ZNF804B: variants seen among roughly 807,000 people sequenced by gnomAD.
ZNF804B encodes the protein zinc finger 804B.
ZNF804B carries 80 observed loss-of-function variants against 101.4 expected under a neutral mutation model. The ratio of observed to expected loss-of-function variants is 0.79; its 90% CI spans 0.66 to 0.95. The LOEUF is 0.95. ZNF804B is among the 40% of genes least tolerant of loss of function. The probability of loss-of-function intolerance (pLI) is 0.00; values close to 1 mark genes in which losing one functional copy is unlikely to be tolerated. For synonymous variants in ZNF804B, 622 were observed against 558.8 expected, an observed-to-expected ratio of 1.11 and a Z score of -1.59; for missense variants, 1,673 against 1,561.9, an observed-to-expected ratio of 1.07 and a Z score of -1.20.
chr7:89,205,197 T>C (rs1788697999), intron 1 of ZNF804B, among the ~76,000 whole-genome samples: 1 of 152,138 alleles, frequency 6.6e-6, no homozygotes, highest in Admixed American at 6.5e-5. Flanking sequence ...ACCAGGTCCC[T>C]CCAATGACAC....
chr7:88,762,173 C>T (rs1462095039), intron 1 of ZNF804B, among the ~76,000 whole-genome samples: 1 of 152,212 alleles, frequency 6.6e-6, no homozygotes, highest in Non-Finnish European at 1.5e-5. Flanking sequence ...ACATATGCAT[C>T]ATTTAAAAAT....
At chr7:88,763,798 T>G (rs982970754) in intron 1 of ZNF804B, among the ~76,000 whole-genome samples, 13 of 152,068 alleles carry the variant, frequency 8.5e-5, no homozygotes, top group African/African-American at 3.1e-4. Context: ...CATTGCTATC[T>G]GTGCTCAAGC....
intron 1 of ZNF804B, among the ~76,000 whole-genome samples, chr7:89,061,030 C>T (rs1031323582): frequency 6.6e-6 from 1 of 152,050 alleles, no homozygotes; most frequent in African/African-American, 2.4e-5. Flanking sequence ...ACACAATTAC[C>T]AACCGTAGTA....
Position 88,887,962 on chromosome 7 carries a change from T to C in ZNF804B, c.108+127878T>C, listed in dbSNP as rs565560238. 6.6e-5 allele frequency among the ~76,000 whole-genome samples: 10 copies of C among 152,338 alleles called. No homozygotes were observed. The South Asian group carries it at 2.1e-3, about 32-fold the overall frequency. ...GCTATTTCAAAAATATATGTATTACTGAAAATTTCAGTGCTAGTAATACAT... is the reference window on the plus strand; with the variant it reads ...GCTATTTCAAAAATATATGTATTACCGAAAATTTCAGTGCTAGTAATACAT... On this transcript the variant is annotated intron_variant, in intron 1 of 3. Transcript: ENST00000333190.
intron 2 of ZNF804B, among the ~76,000 whole-genome samples, chr7:89,313,846 A>G (rs1234819068): frequency 6.6e-6 from 1 of 152,030 alleles, no homozygotes; most frequent in Non-Finnish European, 1.5e-5. Context: ...ACTGTCCTTT[A>G]TTGCATTGTT....
chr7:88,811,573 C>T (rs1790788241), intron 1 of ZNF804B, among the ~76,000 whole-genome samples: 1 of 152,142 alleles, frequency 6.6e-6, no homozygotes, highest in South Asian at 2.1e-4. Flanking sequence ...GGAATCAACC[C>T]AGATGCCCAT....
chr7:88,948,758 A>G (rs1009830149), intron 1 of ZNF804B, among the ~76,000 whole-genome samples: 1 of 151,636 alleles, frequency 6.6e-6, no homozygotes, highest in Admixed American at 6.6e-5. Context: ...CCGAAGTGAC[A>G]TTATCTTTAC....
chr7:88,954,747 A>G (rs751063705), intron 1 of ZNF804B, among the ~76,000 whole-genome samples: 27 of 151,846 alleles, frequency 1.8e-4, no homozygotes, highest in Non-Finnish European at 2.9e-4. Context: ...CACTGATAAT[A>G]TTTCAGCTTT....
chr7:88,900,547 A>G (rs888684023), intron 1 of ZNF804B, among the ~76,000 whole-genome samples: 1 of 147,790 alleles, frequency 6.8e-6, no homozygotes. Context: ...TTCCAAAAAC[A>G]TTGGTCAAGC....
chr7:89,089,950 G>GAAT (rs1789857701), intron 1 of ZNF804B, among the ~76,000 whole-genome samples: 1 of 151,912 alleles, frequency 6.6e-6, no homozygotes, highest in South Asian at 2.1e-4. Flanking sequence ...ATTGTTTAAA[G>GAAT]AGAAAAAAAT....
At chr7:88,842,961 C>T (rs1477468279) in intron 1 of ZNF804B, among the ~76,000 whole-genome samples, 1 of 151,984 alleles carries the variant, frequency 6.6e-6, no homozygotes, top group Non-Finnish European at 1.5e-5. Context: ...GAAATATGTT[C>T]ATAATAATTT....
intron 1 of ZNF804B, among the ~76,000 whole-genome samples, chr7:88,885,556 A>G (rs1009480387): frequency 6.6e-6 from 1 of 151,032 alleles, no homozygotes; most frequent in Non-Finnish European, 1.5e-5. Context: ...AGTTTGGACC[A>G]TATTAAATAT....
chr7:89,209,761 T>G (rs1025957748), intron 1 of ZNF804B, among the ~76,000 whole-genome samples: 1 of 152,178 alleles, frequency 6.6e-6, no homozygotes, highest in Admixed American at 6.5e-5. Context: ...ATTATTATTA[T>G]TAATTTCACT....
At chr7:89,101,301 G>A (rs369894332) in intron 1 of ZNF804B, among the ~76,000 whole-genome samples, 23 of 152,066 alleles carry the variant, frequency 1.5e-4, no homozygotes, top group African/African-American at 5.3e-4. Context: ...CATTCAAACA[G>A]AAGTATCAGA....
chr7:89,307,313 G>T (rs1443285305), intron 2 of ZNF804B, among the ~76,000 whole-genome samples: 1 of 151,906 alleles, frequency 6.6e-6, no homozygotes, highest in African/African-American at 2.4e-5. Context: ...AATCCAAAAT[G>T]TCCTTTTAAA....
chr7:89,215,143 G>A (rs887953871), intron 1 of ZNF804B, among the ~76,000 whole-genome samples: 13 of 152,106 alleles, frequency 8.5e-5, no homozygotes, highest in African/African-American at 2.7e-4. Flanking sequence ...GCACCTTAGA[G>A]GTAAGAAAGA....
chr7:89,112,456 C>T (rs1165830300), intron 1 of ZNF804B, among the ~76,000 whole-genome samples: 1 of 152,116 alleles, frequency 6.6e-6, no homozygotes, highest in Non-Finnish European at 1.5e-5. Context: ...TCTGGGCTCT[C>T]TATTTTGTTC....
chr7:89,108,877 A>T (rs1480248554), intron 1 of ZNF804B, among the ~76,000 whole-genome samples: 1 of 152,164 alleles, frequency 6.6e-6, no homozygotes, highest in Non-Finnish European at 1.5e-5. Context: ...GGAGAAATAC[A>T]TTGCTTGAAA....
intron 1 of ZNF804B, among the ~76,000 whole-genome samples, chr7:89,040,726 G>T (rs534666206): frequency 6.6e-6 from 1 of 152,276 alleles, no homozygotes; most frequent in African/African-American, 2.4e-5. Flanking sequence ...TTTTAAAGAA[G>T]TGGACACCTC....
Sources: allele counts gnomAD v4.1 joint callset (sites outside exome capture counted in the v4.1 genomes callset), GRCh38; gene constraint gnomAD v4.1.1; transcripts MANE v1.5; gene names NCBI Gene and HGNC (gene_info 2026-07-23, HGNC 2026-07-21).